Variants in SV2C observed in about 807,000 individuals in gnomAD.
SV2C encodes synaptic vesicle glycoprotein 2C.
In SV2C, 49 loss-of-function variants were observed where a neutral mutation model predicts 79.7. The ratio of observed to expected loss-of-function variants is 0.61; its 90% CI spans 0.49 to 0.78. The LOEUF (loss-of-function observed/expected upper bound fraction) is 0.78. Among genes scored for constraint, SV2C ranks in the 30% least tolerant of loss-of-function variants. SV2C has a pLI of 0.00. For missense variants in SV2C, 833 were observed against 912.9 expected (o/e 0.91, Z 1.13); for synonymous variants, 334 against 333.2 (o/e 1.00, Z -0.03).
chr5:76,272,346 A>G (rs1746898025), intron 4 of SV2C, among the ~76,000 whole-genome samples: 1 of 152,254 alleles, frequency 6.6e-6, no homozygotes, highest in South Asian at 2.1e-4. Flanking sequence ...GAATAAACAG[A>G]GAGCTTTTGT....
intron 2 of SV2C, among the ~76,000 whole-genome samples, chr5:76,133,969 G>A (rs1013000246): frequency 6.6e-6 from 1 of 152,102 alleles, no homozygotes; most frequent in East Asian, 1.9e-4. Flanking sequence ...ATATTTTAAT[G>A]TTATGGTCCC....
At chr5:76,180,299 T>C (rs1743680516) in intron 2 of SV2C, among the ~76,000 whole-genome samples, 1 of 152,230 alleles carries the variant, frequency 6.6e-6, no homozygotes. Context: ...TCTGGAAAAA[T>C]ATTTTTTAAG....
chr5:76,049,874 T>C, the SV2C span, among the ~76,000 whole-genome samples: 1 of 152,240 alleles, frequency 6.6e-6, no homozygotes, highest in Non-Finnish European at 1.5e-5. Context: ...GTGATATTAT[T>C]GTTTCTACTA....
At chr5:75,964,173 A>C in the SV2C span, among the ~76,000 whole-genome samples, 1 of 151,880 alleles carries the variant, frequency 6.6e-6, no homozygotes, top group African/African-American at 2.4e-5. Context: ...CATGTGTGTT[A>C]CAGTCCTTGT....
chr5:75,968,097 C>T, the SV2C span, among the ~76,000 whole-genome samples: 154 of 152,346 alleles, frequency 1.0e-3, no homozygotes, highest in African/African-American at 3.6e-3. Context: ...TCCAACAGAC[C>T]TGCAGCTGAG....
the SV2C span, among the ~76,000 whole-genome samples, chr5:76,030,053 T>C: frequency 1.3e-5 from 2 of 152,160 alleles, no homozygotes; most frequent in Non-Finnish European, 2.9e-5. Flanking sequence ...TTCATAGCAT[T>C]GAAGGGTCAG....
At chr5:76,054,951 C>T in the SV2C span, among the ~76,000 whole-genome samples, 1 of 152,096 alleles carries the variant, frequency 6.6e-6, no homozygotes, top group Non-Finnish European at 1.5e-5. Context: ...TGTAGGTTGC[C>T]TGTTAACTCT....
intron 4 of SV2C, among the ~76,000 whole-genome samples, chr5:76,283,744 G>A (rs1007556383): frequency 1.3e-5 from 2 of 152,096 alleles, no homozygotes; most frequent in Non-Finnish European, 2.9e-5. Flanking sequence ...GATTAATATA[G>A]CATGTCATTG....
At chr5:76,028,284 T>C in the SV2C span, among the ~76,000 whole-genome samples, 3 of 152,238 alleles carry the variant, frequency 2.0e-5, no homozygotes, top group African/African-American at 7.2e-5. Context: ...TTTGCTGTTA[T>C]TGTCTTTGTT....
At chr5:75,884,078 G>A in the SV2C span, among the ~76,000 whole-genome samples, 1 of 152,068 alleles carries the variant, frequency 6.6e-6, no homozygotes, top group Admixed American at 6.6e-5. Context: ...GGATGCTATT[G>A]AACTTCGGGA....
the SV2C span, among the ~76,000 whole-genome samples, chr5:76,034,255 G>A: frequency 1.3e-5 from 2 of 151,900 alleles, no homozygotes; most frequent in African/African-American, 2.4e-5. Context: ...TCTCCTGCCT[G>A]ATTGCCCTGG....
At chr5:76,069,726 A>G in the SV2C span, among the ~76,000 whole-genome samples, 1 of 151,522 alleles carries the variant, frequency 6.6e-6, no homozygotes, top group Non-Finnish European at 1.5e-5. Context: ...CTGGTTCTTC[A>G]TTTCTTTTGG....
At chr5:75,910,599 G>A in the SV2C span, 1 of 741,110 alleles carries the variant, frequency 1.3e-6, no homozygotes, top group Non-Finnish European at 2.4e-6. Context: ...ATTGCCAAGT[G>A]GGGTTGAAAA....
chr5:76,000,585 C>T, the SV2C span, among the ~76,000 whole-genome samples: 3 of 152,260 alleles, frequency 2.0e-5, no homozygotes, highest in Non-Finnish European at 2.9e-5. Flanking sequence ...CACACTTAAC[C>T]GCACCAAAAT....
the SV2C span, among the ~76,000 whole-genome samples, chr5:75,955,125 C>T: frequency 3.3e-5 from 5 of 149,646 alleles, no homozygotes; most frequent in South Asian, 2.1e-4. Flanking sequence ...GGAGGCATCA[C>T]ACTACCTGAC....
intron 2 of SV2C, among the ~76,000 whole-genome samples, chr5:76,192,258 TAA>T (rs1744128676): frequency 6.6e-6 from 1 of 152,180 alleles, no homozygotes; most frequent in Non-Finnish European, 1.5e-5. Flanking sequence ...GAGTGGCGTC[TAA>T]GAGTCTACAT....
the SV2C span, among the ~76,000 whole-genome samples, chr5:75,878,948 C>A: frequency 6.6e-6 from 1 of 152,144 alleles, no homozygotes; most frequent in Non-Finnish European, 1.5e-5. Flanking sequence ...CTTACAATCA[C>A]GGCAGAAGGT....
the SV2C span, among the ~76,000 whole-genome samples, chr5:76,036,749 C>A: frequency 6.6e-6 from 1 of 152,094 alleles, no homozygotes; most frequent in Non-Finnish European, 1.5e-5. Flanking sequence ...CGAGGAGTAT[C>A]TTTGTGGCAT....
chr5:76,037,824 C>T, the SV2C span, among the ~76,000 whole-genome samples: 2 of 152,236 alleles, frequency 1.3e-5, no homozygotes, highest in African/African-American at 2.4e-5. Flanking sequence ...TGGGCAATGT[C>T]GGGCGCCCCT....
Sources: gnomAD v4.1 joint callset for allele counts (sites outside exome capture counted in the v4.1 genomes callset) on GRCh38, gnomAD v4.1.1 for gene constraint, MANE v1.5 for transcripts, NCBI Gene and HGNC (gene_info 2026-07-23, HGNC 2026-07-21) for gene names.